The following SYBU variants were observed in gnomAD, a reference collection of about 807,000 sequenced individuals.
The protein encoded by SYBU is syntabulin.
A neutral mutation model predicts 35.9 loss-of-function variants in SYBU; 21 were observed. The observed-to-expected ratio is 0.58, with a 90% CI of 0.41 to 0.84. SYBU has a LOEUF of 0.84. Ranked by LOEUF, SYBU falls within the 40% of genes least tolerant of loss-of-function variation. The pLI is 0.00. For missense variants in SYBU, 768 were observed against 848.2 expected (o/e 0.91, Z 1.17); for synonymous variants, 319 against 324.3 (o/e 0.98, Z 0.18).
chr8:109,668,164 G>GA (rs1563773347), intron 1 of SYBU, among the ~76,000 whole-genome samples: 6 of 102,564 alleles, frequency 5.9e-5, no homozygotes, highest in African/African-American at 1.6e-4. Context: ...GGGGGAGAGG[G>GA]GGAGAGAGAG....
chr8:109,586,578 T>C (rs1823648170), intron 3 of SYBU: 1 of 158,182 alleles, frequency 6.3e-6, no homozygotes, highest in African/African-American at 2.4e-5. Context: ...TTTGGGCTTC[T>C]GTAGTCAGCT....
chr8:109,671,782 G>A (rs1454310733), intron 1 of SYBU, among the ~76,000 whole-genome samples: 1 of 151,940 alleles, frequency 6.6e-6, no homozygotes, highest in Non-Finnish European at 1.5e-5. Flanking sequence ...AGATGCTATG[G>A]GTACTTTATA....
chr8:109,591,506 A>ATTTTTTTTTTTTTTTTTTTTTT (rs1047402673), intron 3 of SYBU, among the ~76,000 whole-genome samples: 1 of 100,942 alleles, frequency 9.9e-6, no homozygotes. Context: ...AAAAATGTAA[A>ATTTTTTTTTTTTTTTTTTTTTT]TTTTTTTTTT....
chr8:109,644,627 G>T lies in SYBU; in HGVS notation c.24+9C>A, dbSNP rs1586933711. 1 of 1,541,504 alleles carries T rather than the reference G, an allele frequency of 6.5e-7. No individual in the cohort carries two copies. The highest frequency in any genetic ancestry group is 8.7e-7 in the Non-Finnish European group (1 of 1,150,522). The stretch of plus-strand genomic sequence containing the variant: ...CCCTCCAGTGCCCGCACTGCCCCGC[G>T]CTCCTTACCTTGCTCTCGCGGAGGG... On this transcript the variant is annotated intron_variant, in intron 1 of 6. Coordinates refer to ENST00000276646, the MANE Select transcript of SYBU (RefSeq NM_001099754.2).
intron 3 of SYBU, among the ~76,000 whole-genome samples, chr8:109,615,824 A>G (rs964169963): frequency 2.6e-5 from 4 of 151,926 alleles, no homozygotes; most frequent in African/African-American, 9.7e-5. Context: ...AAACCCCTGA[A>G]ATGGTATGTG....
At chr8:109,688,222 T>A (rs1346571550) in intron 1 of SYBU, among the ~76,000 whole-genome samples, 1 of 152,170 alleles carries the variant, frequency 6.6e-6, no homozygotes, top group East Asian at 1.9e-4. Context: ...TTGATAAATC[T>A]GAGTAAAAAA....
chr8:109,649,616 G>T (rs1816032610), upstream of SYBU, among the ~76,000 whole-genome samples: 1 of 152,108 alleles, frequency 6.6e-6, no homozygotes, highest in Non-Finnish European at 1.5e-5. Flanking sequence ...GGATGGTAAG[G>T]GTCTAATCCT....
chr8:109,642,721 A>T lies in SYBU; in HGVS notation c.229+7T>A. On this transcript the variant is annotated splice_region_variant and intron_variant, in intron 2 of 6. Transcript: ENST00000276646. Reference sequence around the variant, plus strand: ...ACGCCTCTGGTGGCCTCCCGAGGGTACTGTACCTGAGCAGAAGCTGTTGCT... The same window carrying T: ...ACGCCTCTGGTGGCCTCCCGAGGGTTCTGTACCTGAGCAGAAGCTGTTGCT... The T allele has an allele frequency of 1.3e-6, 2 of 1,586,114 alleles. No individual in the cohort carries two copies. The highest frequency in any genetic ancestry group is 2.3e-5 in the South Asian group (2 of 87,038).
In SYBU at chr8:109,586,047, A is replaced by T; in HGVS notation, c.530+13T>A. ...TAAAGCGTCTTAATTACAGAGCAGG[A>T]GATGGTGCCTACTTGCGTGAAGAAG... On this transcript the variant is annotated intron_variant, in intron 4 of 6. Transcript: ENST00000276646. The T allele has an allele frequency of 6.3e-7, 1 of 1,596,226 alleles. No individual in the cohort carries two copies. Among genetic ancestry groups the T allele is most frequent in the Non-Finnish European group, 8.6e-7 (1 of 1,169,104 alleles).
chr8:109,589,575 T>A (rs1217837275), intron 3 of SYBU, among the ~76,000 whole-genome samples: 1 of 152,206 alleles, frequency 6.6e-6, no homozygotes, highest in Admixed American at 6.5e-5. Flanking sequence ...CCCAGTGGCC[T>A]CCAGAAGTTC....
intron 3 of SYBU, among the ~76,000 whole-genome samples, chr8:109,588,368 A>G (rs1434574327): frequency 6.6e-6 from 1 of 152,212 alleles, no homozygotes; most frequent in Non-Finnish European, 1.5e-5. Flanking sequence ...GGAACTCAAT[A>G]TACTGACTTT....
rs552962923 is a variant in SYBU at position 109,691,341 on chromosome 8, G to A, written c.-66C>T. 2.8e-5 allele frequency: 20 copies of A among 701,838 alleles called. No individual in the cohort carries two copies. The Admixed American group carries it at 4.0e-4, about 14-fold the overall frequency. The allele number at this position is 701,838 out of a possible 1,614,324, so 43.5% of individuals were successfully genotyped here. A position where few individuals can be genotyped will look rare whatever the true frequency, so the allele number is the denominator to read the frequency against. On this transcript the variant is annotated 5_prime_UTR_variant, in exon 1 of 8. Coordinates refer to the SYBU transcript ENST00000422135. The surrounding 1 kb of genome is among the most constrained non-coding windows in gnomAD (Gnocchi z 4.7). ...AGGCGCCCCGGTCTTACCCTTTCTC[G>A]CCCAGAAGGGCCCCATCGCGCTGTC...
Position 109,672,852 on chromosome 8 carries a change from G to A in SYBU, c.-129+7859C>T, listed in dbSNP as rs560838392. The stretch of plus-strand genomic sequence containing the variant: ...ATGCTGGAGCTTGGTGGGGGGAGGG[G>A]CATCTGCCATTACTGAGGCTTGAGT... On this transcript the variant is annotated intron_variant, in intron 1 of 5. Transcript: ENST00000408889. Among the ~76,000 whole-genome samples the A allele has an allele frequency of 2.0e-5, 3 of 152,278 alleles. No individual in the cohort carries two copies. In the South Asian group the frequency reaches 6.2e-4, roughly 32 times the overall value.
At chr8:109,644,160 C>T (rs1202976628) in intron 1 of SYBU, 1 of 460,054 alleles carries the variant, frequency 2.2e-6, no homozygotes, top group Admixed American at 2.3e-5. Context: ...GGCATCCACT[C>T]TACCCGGGGG....
chr8:109,643,821 G>T, intron 1 of SYBU: 1 of 342,000 alleles, frequency 2.9e-6, no homozygotes, highest in Non-Finnish European at 5.7e-6. Flanking sequence ...AGGCTAAATG[G>T]GGTAGAGATG....
rs1034310764 is a variant in SYBU at position 109,588,711 on chromosome 8, G to C, written c.428-2549C>G. Among the ~76,000 whole-genome samples, 273 of 137,098 alleles carry C rather than the reference G, an allele frequency of 2.0e-3. 1 individual carries two copies. The highest frequency in any genetic ancestry group is 3.2e-3 in the Non-Finnish European group (204 of 64,174). The allele number at this position is 137,098 out of a possible 152,430, so 89.9% of individuals were successfully genotyped here. ...AGCTGGAGACCTAATCACACCCCCC[G>C]CCCCCGCCGCCATTTATCTATTAGT... On this transcript the variant is annotated intron_variant, in intron 3 of 6. Transcript: ENST00000276646.
chr8:109,670,629 A>G (rs1170270993), intron 1 of SYBU, among the ~76,000 whole-genome samples: 1 of 152,172 alleles, frequency 6.6e-6, no homozygotes, highest in Admixed American at 6.5e-5. Flanking sequence ...GAATGAAGAT[A>G]TAAATGGTCA....
Position 109,690,148 on chromosome 8 carries a change from T to G in SYBU, c.-58+1185A>C, listed in dbSNP as rs565454725. Among the ~76,000 whole-genome samples the G allele has an allele frequency of 2.6e-5, 4 of 152,260 alleles. No individual in the cohort carries two copies. The South Asian group carries it at 8.3e-4, about 32-fold the overall frequency. ...ATATTCTGCATTAAAATAGTACTAT[T>G]GTAAAATAAATTAAGCAATCAAAAT... On this transcript the variant is annotated intron_variant, in intron 1 of 7. Transcript: ENST00000422135.
intron 1 of SYBU, chr8:109,680,598 A>C (rs918766293): frequency 2.7e-5 from 2 of 75,028 alleles, no homozygotes; most frequent in African/African-American, 1.7e-4. Context: ...CATTTTATGA[A>C]ATGTGATTTA....
Sources: allele counts gnomAD v4.1 joint callset (sites outside exome capture counted in the v4.1 genomes callset), GRCh38; gene constraint gnomAD v4.1.1; non-coding constraint Gnocchi (gnomAD v3.1); transcripts MANE v1.5; gene names NCBI Gene and HGNC (gene_info 2026-07-23, HGNC 2026-07-21).